The following PARN variants were observed in gnomAD, a reference collection of about 807,000 sequenced individuals.
The protein encoded by PARN is poly(A)-specific ribonuclease PARN.
Under a neutral mutation model 102.8 loss-of-function variants are expected in PARN, and 71 were observed. That is an observed-to-expected ratio of 0.69 (90% CI 0.57 to 0.84). The LOEUF is 0.84. Ranked by LOEUF, PARN falls within the 40% of genes least tolerant of loss-of-function variation. The probability of loss-of-function intolerance (pLI) is 0.00; values close to 1 mark genes in which losing one functional copy is unlikely to be tolerated. For synonymous variants in PARN, 261 were observed against 252.9 expected (o/e 1.03, Z -0.30); for missense variants, 782 against 760.9 (o/e 1.03, Z -0.33).
intron 18 of PARN, among the ~76,000 whole-genome samples, chr16:14,566,466 G>A: frequency 6.6e-6 from 1 of 152,204 alleles, no homozygotes; most frequent in East Asian, 1.9e-4. Context: ...TCTGGAGGGA[G>A]CTCAGCAATG....
At chr16:14,511,487 T>TA (rs1965187592) in intron 21 of PARN, among the ~76,000 whole-genome samples, 1 of 151,558 alleles carries the variant, frequency 6.6e-6, no homozygotes, top group Non-Finnish European at 1.5e-5. Flanking sequence ...AGGCAGCAGA[T>TA]AAATTCCTAC....
At chr16:14,551,439 C>A (rs946001875) in intron 21 of PARN, among the ~76,000 whole-genome samples, 1 of 151,726 alleles carries the variant, frequency 6.6e-6, no homozygotes, top group African/African-American at 2.4e-5. Context: ...TATCATGTTG[C>A]GCGCCTGTAA....
At chr16:14,627,952 G>A (rs993710670) in intron 3 of PARN, among the ~76,000 whole-genome samples, 1 of 152,176 alleles carries the variant, frequency 6.6e-6, no homozygotes, top group Non-Finnish European at 1.5e-5. Flanking sequence ...AGGCTCCACA[G>A]AGCAGTGATC....
chr16:14,602,711 CTA>C (rs1280924170), intron 11 of PARN, among the ~76,000 whole-genome samples: 1 of 152,096 alleles, frequency 6.6e-6, no homozygotes, highest in Non-Finnish European at 1.5e-5. Flanking sequence ...TAAGGAGCTG[CTA>C]TGAGGCCAGC....
chr16:14,517,725 C>T (rs983825881), intron 21 of PARN, among the ~76,000 whole-genome samples: 6 of 152,124 alleles, frequency 3.9e-5, no homozygotes, highest in African/African-American at 1.4e-4. Flanking sequence ...GTTGCCCAGG[C>T]TAGAGTGCAG....
intron 21 of PARN, among the ~76,000 whole-genome samples, chr16:14,497,823 T>A (rs534757364): frequency 4.6e-5 from 7 of 152,298 alleles, no homozygotes; most frequent in African/African-American, 1.7e-4. Flanking sequence ...GTGGTTTTCA[T>A]CTGATAAAAG....
At chr16:14,512,470 G>A (rs1408729106) in intron 21 of PARN, among the ~76,000 whole-genome samples, 2 of 152,096 alleles carry the variant, frequency 1.3e-5, no homozygotes, top group East Asian at 3.8e-4. Flanking sequence ...TTCAGCCTGG[G>A]CAACAGAGTG....
At chr16:14,615,419 A>AT (rs1458765295) in intron 6 of PARN, among the ~76,000 whole-genome samples, 1 of 152,200 alleles carries the variant, frequency 6.6e-6, no homozygotes, top group African/African-American at 2.4e-5. Context: ...TTTGGAACTT[A>AT]TATTTTATAA....
chr16:14,565,410 CAA>C (rs71636621), intron 18 of PARN, among the ~76,000 whole-genome samples: 8 of 105,590 alleles, frequency 7.6e-5, no homozygotes, highest in African/African-American at 1.3e-4. Flanking sequence ...GAAACAAAGG[CAA>C]AAAAAAAAAA....
intron 18 of PARN, chr16:14,576,420 A>G (rs1460655576): frequency 6.6e-6 from 1 of 152,240 alleles, no homozygotes; most frequent in African/African-American, 2.4e-5. Flanking sequence ...AGGTAAACAG[A>G]AAACAACCTT....
intron 22 of PARN, among the ~76,000 whole-genome samples, chr16:14,470,911 G>C (rs1177100804): frequency 6.6e-6 from 1 of 152,110 alleles, no homozygotes; most frequent in African/African-American, 2.4e-5. Context: ...TGAGTAGCTA[G>C]GTTTACAGGC....
intron 22 of PARN, among the ~76,000 whole-genome samples, chr16:14,481,531 T>G (rs936248733): frequency 3.3e-5 from 5 of 152,254 alleles, no homozygotes; most frequent in African/African-American, 1.2e-4. Flanking sequence ...AGAAATGTTC[T>G]ATATCTTGCT....
At chr16:14,552,168 T>C (rs1334111962) in intron 20 of PARN, 73 bp from the exon 21 acceptor site, 91 of 895,782 alleles carry the variant, frequency 1.0e-4, no homozygotes, top group Non-Finnish European at 5.5e-5. Context: ...GCGCGTATCT[T>C]ACATATTTCA....
chr16:14,611,707 A>G (rs1014941885), intron 6 of PARN, among the ~76,000 whole-genome samples: 1 of 152,100 alleles, frequency 6.6e-6, no homozygotes, highest in Non-Finnish European at 1.5e-5. Flanking sequence ...CACCAGGCTA[A>G]TTTTTGTATT....
At chr16:14,597,750 T>C (rs1402335918) in intron 12 of PARN, among the ~76,000 whole-genome samples, 2 of 152,128 alleles carry the variant, frequency 1.3e-5, no homozygotes, top group Non-Finnish European at 2.9e-5. Flanking sequence ...TGTGGTATTC[T>C]TGCCAAACCA....
chr16:14,610,784 T>C lies in PARN; in HGVS notation c.414A>G (p.Glu138=). ...CATACTGCTCTCTTAACTGTCTTTC[T>C]TCTTCCTGATTTAAATATGGAATTC... ...RNGIPYLNQE[E]ERQLREQYDE... is the part of the protein sequence containing the mutation. Residue 138 remains glutamate, a synonymous_variant, in exon 7 of 24, where the codon GAA becomes GAG. Transcript: ENST00000437198. The C allele has an allele frequency of 6.2e-7, 1 of 1,610,614 alleles. No individual in the cohort carries two copies. Among genetic ancestry groups the C allele is most frequent in the Non-Finnish European group, 8.5e-7 (1 of 1,177,076 alleles).
chr16:14,444,984 T>A (rs918621400), intron 23 of PARN, among the ~76,000 whole-genome samples: 5 of 114,402 alleles, frequency 4.4e-5, no homozygotes, highest in Admixed American at 8.5e-5. Flanking sequence ...AATATTTAAA[T>A]TTTTTTTTTT....
At chr16:14,525,424 C>A (rs1287063371) in intron 21 of PARN, among the ~76,000 whole-genome samples, 1 of 152,108 alleles carries the variant, frequency 6.6e-6, no homozygotes, top group East Asian at 1.9e-4. Flanking sequence ...GGCAGGGAAC[C>A]CAATTATTCC....
chr16:14,525,888 G>T (rs1164144197), intron 21 of PARN, among the ~76,000 whole-genome samples: 3 of 152,070 alleles, frequency 2.0e-5, no homozygotes, highest in Non-Finnish European at 4.4e-5. Flanking sequence ...GTGCGATCCT[G>T]GCTCACTGCA....
Sources: gnomAD v4.1 joint callset for allele counts (sites outside exome capture counted in the v4.1 genomes callset) on GRCh38, gnomAD v4.1.1 for gene constraint, MANE v1.5 for transcripts, NCBI Gene and HGNC (gene_info 2026-07-23, HGNC 2026-07-21) for gene names.